The following PSMD2 variants were observed in gnomAD, a reference collection of about 807,000 sequenced individuals.
PSMD2 encodes 26S proteasome non-ATPase regulatory subunit 2.
In PSMD2, 8 loss-of-function variants were observed where a neutral mutation model predicts 101.5. The observed-to-expected ratio is 0.08, with a 90% CI of 0.05 to 0.14. The LOEUF is 0.14. PSMD2 is among the 10% of genes least tolerant of loss of function. The pLI, the probability that PSMD2 is intolerant of heterozygous loss-of-function variation, is 1.00. For missense variants in PSMD2, 784 were observed against 1,147.4 expected, an observed-to-expected ratio of 0.68 and a Z score of 4.58; for synonymous variants, 418 against 433.8, an observed-to-expected ratio of 0.96 and a Z score of 0.45.
At chr3:184,299,493 C>G in intron 1 of PSMD2, 92 bp downstream of exon 1, 1 of 1,303,798 alleles carries the variant, frequency 7.7e-7, no homozygotes. Flanking sequence ...AACTACCCCA[C>G]CGCGCCAGGG....
In PSMD2 at chr3:184,306,661, TG is replaced by T. The variant is rs1415770053; in HGVS notation, c.1951-88del. 6 of 1,527,092 alleles carry T rather than the reference TG, an allele frequency of 3.9e-6. No individual in the cohort carries two copies. The Admixed American group carries it at 5.7e-5, about 15-fold the overall frequency. The allele number at this position is 1,527,092 out of a possible 1,614,324, so 94.6% of individuals were successfully genotyped here. ...AGGGGTAAAGGTGTTCCCCACAGGA[TG>T]GCTTTTTATTTTCAGATGGGACTTG... On this transcript the variant is annotated intron_variant, in intron 15 of 20. Transcript: ENST00000310118.
Position 184,300,414 on chromosome 3 carries a change from C to G in PSMD2, c.327C>G (p.Ile109Met), listed in dbSNP as rs751631530. Residue 109 changes from isoleucine to methionine, a missense_variant, in exon 3 of 21, where the codon ATC becomes ATG. By Grantham distance (10) the Ile-to-Met change is conservative (BLOSUM62 1). Coordinates refer to ENST00000310118, the MANE Select transcript of PSMD2 (RefSeq NM_002808.5). ...CACACTATGGCAAACTGAAGGAAAT[C>G]TATGAGAACATGGCCCCTGGGGAGA... ...LRPHYGKLKE[I>M]YENMAPGENK... is the part of the protein sequence containing the mutation. The G allele has an allele frequency of 7.4e-6, 12 of 1,614,004 alleles. No individual in the cohort carries two copies. In the East Asian group the frequency reaches 2.7e-4, roughly 36 times the overall value.
intron 5 of PSMD2, 72 bp downstream of exon 5, chr3:184,302,143 T>C: frequency 6.7e-7 from 1 of 1,488,546 alleles, no homozygotes. Flanking sequence ...GCGCCTCCTC[T>C]ATTTTCCCAG....
At position 184,306,150 on chromosome 3, in the gene PSMD2, A is replaced by T; in HGVS notation, c.1799A>T (p.Tyr600Phe). 1 of 1,614,174 alleles carries T rather than the reference A, an allele frequency of 6.2e-7. No individual in the cohort carries two copies. The highest frequency in any genetic ancestry group is 1.7e-5 in the Admixed American group (1 of 60,024). Residue 600 changes from tyrosine (Y) to phenylalanine (F), a missense_variant, in exon 14 of 21, where the codon TAT (tyrosine) becomes TTT (phenylalanine). Physicochemically the swap from Tyr to Phe is conservative, Grantham distance 22. Around this residue, in one of 6 missense-constraint regions of PSMD2, gnomAD observed 282 missense variants for 437.6 expected, o/e 0.64. Coordinates refer to ENST00000310118, the MANE Select transcript of PSMD2 (RefSeq NM_002808.5). The part of the protein sequence containing the change: ...FANTLVDVCA[Y>F]AGSGNVLKVQ... ...AACACACTGGTGGATGTGTGTGCAT[A>T]TGCAGGTCTGTGTCTTTATGAGTCT...
In PSMD2 at chr3:184,307,929, C is replaced by T. The variant is rs772058033; in HGVS notation, c.2338C>T (p.Pro780Ser). ...HLGKGTLTLC[P>S]YHSDRQLMSQ... The stretch of plus-strand genomic sequence containing the variant: ...AGGGAAGGGCACCCTTACCCTCTGC[C>T]CCTACCACAGCGACCGGCAGCTTAT... Residue 780 changes from proline to serine, a missense_variant, in exon 19 of 21, where the codon CCC becomes TCC. Coordinates refer to ENST00000310118, the MANE Select transcript of PSMD2 (RefSeq NM_002808.5). 1 of 1,614,042 alleles carries T rather than the reference C, an allele frequency of 6.2e-7. No homozygotes were observed. Among genetic ancestry groups the T allele is most frequent in the African/African-American group, 1.3e-5 (1 of 74,904 alleles).
chr3:184,300,689 T>C (rs757220590), intron 3 of PSMD2: 31 of 1,231,416 alleles, frequency 2.5e-5, no homozygotes, highest in Non-Finnish European at 3.1e-5. Flanking sequence ...TTTTAACGTA[T>C]GTTTAACCTT....
intron 15 of PSMD2, 51 bp from the exon 16 acceptor site, chr3:184,306,700 C>CT: frequency 5.7e-6 from 9 of 1,579,316 alleles, no homozygotes; most frequent in Non-Finnish European, 6.1e-6. Flanking sequence ...TCAAGGGTGA[C>CT]TGTTTTTTAT....
In PSMD2 at chr3:184,306,442, G is replaced by C. The variant is rs1452821669; in HGVS notation, c.1897G>C (p.Glu633Gln). The C allele has an allele frequency of 6.2e-7, 1 of 1,614,050 alleles. No homozygotes were observed. Among genetic ancestry groups the C allele is most frequent in the Non-Finnish European group, 8.5e-7 (1 of 1,180,036 alleles). ...KEKEEDKDKK[E>Q]KKDKDKKEAP... The stretch of plus-strand genomic sequence containing the variant: ...GAAGGAGGAAGACAAAGACAAGAAG[G>C]AAAAGAAAGACAAGGACAAGAAGGA... The change falls in exon 15 of 21, where the codon GAA (glutamate) becomes CAA (glutamine). Residue 633 changes from glutamate (E) to glutamine (Q), a missense_variant. Physicochemically the swap from Glu to Gln is conservative, Grantham distance 29. This residue lies in a region of PSMD2 where 282 missense variants were observed against 437.6 expected (regional missense o/e 0.64). Coordinates refer to ENST00000310118, the MANE Select transcript of PSMD2 (RefSeq NM_002808.5).
intron 17 of PSMD2, 34 bp from the exon 18 acceptor site, chr3:184,307,580 C>A: frequency 6.2e-7 from 1 of 1,614,020 alleles, no homozygotes; most frequent in Non-Finnish European, 8.5e-7. Context: ...TTTGAAGCCC[C>A]TTTTTTCACT....
In PSMD2 at chr3:184,301,674, T is replaced by C; in HGVS notation, c.479+16T>C. ...AGTATGTCAGGTAAGATCTTTCTTC[T>C]TGGGAATCCGAAGGGGGCTCTGAGG... On this transcript the variant is annotated intron_variant, in intron 4 of 20. Coordinates refer to ENST00000310118, the MANE Select transcript of PSMD2 (RefSeq NM_002808.5). The C allele has an allele frequency of 1.9e-6, 3 of 1,613,934 alleles. No homozygotes were observed.
intron 10 of PSMD2, 72 bp from the exon 11 acceptor site, chr3:184,303,875 A>G (rs1378121563): frequency 6.2e-7 from 1 of 1,609,852 alleles, no homozygotes; most frequent in Non-Finnish European, 8.5e-7. Context: ...TGCTGCAGTG[A>G]GGCCCATGTT....
rs1721828277 is a variant in PSMD2 at position 184,306,276 on chromosome 3, C to CA, written c.1805-74_1805-73insA. The CA allele has an allele frequency of 3.8e-6, 6 of 1,591,948 alleles. No individual in the cohort carries two copies. The East Asian group carries it at 1.3e-4, about 36-fold the overall frequency. On this transcript the variant is annotated intron_variant, in intron 14 of 20. Coordinates refer to ENST00000310118, the MANE Select transcript of PSMD2 (RefSeq NM_002808.5). ...TCTGATCTGCTCTAGATTCTTTAGA[C>CA]TTCTCCTGTTTTCCAAAGCTTTTCC...
At chr3:184,305,635 G>A in intron 12 of PSMD2, 133 bp from the exon 13 acceptor site, 1 of 820,014 alleles carries the variant, frequency 1.2e-6, no homozygotes, top group Non-Finnish European at 1.9e-6. Context: ...GACTACTATT[G>A]TTATTTTGAT....
At chr3:184,299,482 C>A (rs1326643130) in intron 1 of PSMD2, 81 bp downstream of exon 1, 2 of 1,308,032 alleles carry the variant, frequency 1.5e-6, no homozygotes, top group African/African-American at 3.1e-5. Context: ...GCCCGACACC[C>A]AACTACCCCA....
chr3:184,300,123 G>GT (rs200702824), intron 2 of PSMD2, among the ~76,000 whole-genome samples, 157 bp from the exon 3 acceptor site: 3,102 of 152,290 alleles, frequency 0.02, 47 homozygotes, highest in Middle Eastern at 0.051. Flanking sequence ...TGGGTCATTT[G>GT]TTTTTGTGCC....
chr3:184,308,145 G>A lies in PSMD2; in HGVS notation c.2425+129G>A. On this transcript the variant is annotated intron_variant, in intron 19 of 20. Transcript: ENST00000310118. The surrounding 1 kb of genome is among the most constrained non-coding windows in gnomAD (Gnocchi z 6.0). ...GTATCGCTCTAGGTTTCTGAGACAG[G>A]CTTTGGGCCTGTGACATGAGACTTT... 2 of 1,253,944 alleles carry A rather than the reference G, an allele frequency of 1.6e-6. No homozygotes were observed. The highest frequency in any genetic ancestry group is 2.5e-5 in the East Asian group (1 of 40,594). 77.7% of individuals were successfully genotyped at this position (1,253,944 alleles called of 1,614,324 possible).
chr3:184,300,016 G>A, intron 2 of PSMD2, 109 bp downstream of exon 2: 1 of 1,073,762 alleles, frequency 9.3e-7, no homozygotes, highest in Non-Finnish European at 1.4e-6. Context: ...TAGGGTCAGT[G>A]TTATGATGAT....
In PSMD2 at chr3:184,304,764, G is replaced by A. The variant is rs920512101; in HGVS notation, c.1539+373G>A. 1.3e-5 allele frequency among the ~76,000 whole-genome samples: 2 copies of A among 152,098 alleles called. No individual in the cohort carries two copies. Among genetic ancestry groups the A allele is most frequent in the East Asian group, 3.9e-4 (2 of 5,184 alleles). ...AAATTAGCCGGGTGTGGTGGTGCTC[G>A]CCTGTAGTGCCAGCTACTAGGGAAG... On this transcript the variant is annotated intron_variant, in intron 12 of 20. Transcript: ENST00000310118. This position sits in a 1 kb window ranked among gnomAD's most constrained non-coding sequence, Gnocchi z 4.1.
At chr3:184,303,883 G>A (rs1370496103) in intron 10 of PSMD2, 64 bp from the exon 11 acceptor site, 1 of 1,612,834 alleles carries the variant, frequency 6.2e-7, no homozygotes, top group Admixed American at 1.7e-5. Flanking sequence ...TGAGGCCCAT[G>A]TTGCATCCTT....
Sources: gnomAD v4.1 joint callset for allele counts (sites outside exome capture counted in the v4.1 genomes callset) on GRCh38, gnomAD v4.1.1 for gene constraint, gnomAD v4.1.1 regional missense constraint, Gnocchi (gnomAD v3.1) non-coding constraint, MANE v1.5 for transcripts, NCBI Gene and HGNC (gene_info 2026-07-23, HGNC 2026-07-21) for gene names.